The following NRG1 variants were observed in gnomAD, a reference collection of about 807,000 sequenced individuals.
NRG1 encodes neuregulin 1.
In NRG1, 18 loss-of-function variants were observed where a neutral mutation model predicts 63.8. The observed-to-expected ratio is 0.28, with a 90% CI of 0.19 to 0.42. The LOEUF (loss-of-function observed/expected upper bound fraction) is 0.42. Ranked by LOEUF, NRG1 falls within the 10% of genes least tolerant of loss-of-function variation. The pLI, the probability that NRG1 is intolerant of heterozygous loss-of-function variation, is 1.00. For synonymous variants in NRG1, 302 were observed against 301.3 expected (o/e 1.00, Z -0.02); for missense variants, 762 against 814.7 (o/e 0.94, Z 0.79).
At chr8:32,408,842 GTGTACCT>G (rs1462981025) in intron 1 of NRG1, among the ~76,000 whole-genome samples, 1 of 151,996 alleles carries the variant, frequency 6.6e-6, no homozygotes, top group Non-Finnish European at 1.5e-5. Context: ...CACTCAAATA[GTGTACCT>G]TGTACCTATT....
chr8:32,730,907 A>T (rs1054738409), intron 6 of NRG1, among the ~76,000 whole-genome samples: 10 of 152,078 alleles, frequency 6.6e-5, no homozygotes, highest in Non-Finnish European at 1.2e-4. Context: ...TAGGTCCTTA[A>T]ATTCTTCTCC....
intron 5 of NRG1, among the ~76,000 whole-genome samples, chr8:32,680,907 T>G (rs1481375825): frequency 6.6e-6 from 1 of 152,132 alleles, no homozygotes; most frequent in African/African-American, 2.4e-5. Context: ...AGTAATACAA[T>G]AAAATACATG....
At chr8:32,011,708 T>C (rs1185061324) in intron 1 of NRG1, among the ~76,000 whole-genome samples, 1 of 152,030 alleles carries the variant, frequency 6.6e-6, no homozygotes, top group African/African-American at 2.4e-5. Flanking sequence ...ATGGAAGCAA[T>C]AGAAAGTCAG....
intron 1 of NRG1, among the ~76,000 whole-genome samples, chr8:31,689,736 T>C (rs1260896926): frequency 9.9e-5 from 15 of 152,208 alleles, no homozygotes; most frequent in Admixed American, 9.8e-4. Flanking sequence ...TTCTGAACAT[T>C]TGGGATATAT....
chr8:32,565,914 C>T (rs1159097940), intron 1 of NRG1, among the ~76,000 whole-genome samples: 2 of 152,108 alleles, frequency 1.3e-5, no homozygotes, highest in Admixed American at 1.3e-4. Flanking sequence ...ACATTCCTGC[C>T]GAGAAGGTAA....
intron 5 of NRG1, among the ~76,000 whole-genome samples, chr8:32,710,672 A>T (rs1440791275): frequency 6.6e-6 from 1 of 152,182 alleles, no homozygotes; most frequent in Non-Finnish European, 1.5e-5. Context: ...AATGAAGGTT[A>T]AATAGAATCC....
intron 1 of NRG1, among the ~76,000 whole-genome samples, chr8:32,185,130 G>T (rs1005777570): frequency 6.6e-6 from 1 of 152,078 alleles, no homozygotes; most frequent in African/African-American, 2.4e-5. Context: ...ACTCCCGTGG[G>T]TGCTCATGCA....
At chr8:32,402,455 G>T (rs1200509076) in intron 1 of NRG1, among the ~76,000 whole-genome samples, 1 of 152,012 alleles carries the variant, frequency 6.6e-6, no homozygotes, top group Non-Finnish European at 1.5e-5. Flanking sequence ...GTGTTAAATT[G>T]CATGCCATTC....
intron 1 of NRG1, among the ~76,000 whole-genome samples, chr8:31,746,469 G>A (rs1455197557): frequency 6.6e-6 from 1 of 151,950 alleles, no homozygotes; most frequent in Non-Finnish European, 1.5e-5. Flanking sequence ...GATGCTGAAC[G>A]TGATGCAAAG....
intron 1 of NRG1, among the ~76,000 whole-genome samples, chr8:32,531,726 C>T (rs1466893387): frequency 6.6e-6 from 1 of 152,070 alleles, no homozygotes; most frequent in Non-Finnish European, 1.5e-5. Context: ...TTGCTATTCT[C>T]AACTTCAGTT....
At chr8:32,581,646 A>G (rs1840657980) in intron 1 of NRG1, among the ~76,000 whole-genome samples, 1 of 152,246 alleles carries the variant, frequency 6.6e-6, no homozygotes, top group Non-Finnish European at 1.5e-5. Flanking sequence ...TTATAGAAAC[A>G]TGGAAGAGGG....
intron 1 of NRG1, among the ~76,000 whole-genome samples, chr8:32,520,709 G>A (rs2129505524): frequency 6.6e-6 from 1 of 152,328 alleles, no homozygotes; most frequent in South Asian, 2.1e-4. Context: ...GCTTTTGGCA[G>A]TTTCAGTTAT....
At chr8:31,838,475 A>G (rs1825885119) in intron 1 of NRG1, among the ~76,000 whole-genome samples, 1 of 152,166 alleles carries the variant, frequency 6.6e-6, no homozygotes, top group African/African-American at 2.4e-5. Context: ...CTATTTCAAA[A>G]ACAATTTCTG....
intron 1 of NRG1, among the ~76,000 whole-genome samples, chr8:32,096,597 G>A (rs1334831847): frequency 6.6e-6 from 1 of 152,144 alleles, no homozygotes; most frequent in African/African-American, 2.4e-5. Flanking sequence ...TCTGTATTTG[G>A]TGAAGGCCAC....
chr8:32,107,595 C>T (rs1392317359), intron 1 of NRG1, among the ~76,000 whole-genome samples: 3 of 152,284 alleles, frequency 2.0e-5, no homozygotes, highest in Non-Finnish European at 2.9e-5. Flanking sequence ...TTATTCATAA[C>T]ACTGAATAAT....
chr8:32,022,834 A>T (rs1816669397), intron 1 of NRG1, among the ~76,000 whole-genome samples: 1 of 152,174 alleles, frequency 6.6e-6, no homozygotes, highest in Admixed American at 6.5e-5. Context: ...GTTTTAATTC[A>T]CTTAATCATT....
intron 1 of NRG1, among the ~76,000 whole-genome samples, chr8:32,433,887 G>C (rs1818469173): frequency 1.3e-5 from 2 of 152,036 alleles, no homozygotes; most frequent in South Asian, 4.1e-4. Flanking sequence ...TAACTGGGCA[G>C]TTTTCAGAAT....
At chr8:31,760,864 C>T (rs969170706) in intron 1 of NRG1, among the ~76,000 whole-genome samples, 2 of 152,116 alleles carry the variant, frequency 1.3e-5, no homozygotes, top group African/African-American at 2.4e-5. Context: ...GGACTGTAAA[C>T]TAGTTCAACC....
chr8:32,142,004 G>A (rs1836339664), intron 1 of NRG1, among the ~76,000 whole-genome samples: 1 of 152,052 alleles, frequency 6.6e-6, no homozygotes, highest in African/African-American at 2.4e-5. Context: ...CCTGAAAGTG[G>A]CTGTTCTTCT....
Sources: allele counts gnomAD v4.1 joint callset (sites outside exome capture counted in the v4.1 genomes callset), GRCh38; gene constraint gnomAD v4.1.1; transcripts MANE v1.5; gene names NCBI Gene and HGNC (gene_info 2026-07-23, HGNC 2026-07-21).